Variants in ITPRID1 observed in about 807,000 individuals in gnomAD.
ITPRID1 encodes protein ITPRID1.
A neutral mutation model predicts 95.4 loss-of-function variants in ITPRID1; 96 were observed. The observed-to-expected ratio is 1.01, with a 90% CI of 0.85 to 1.19. The LOEUF (loss-of-function observed/expected upper bound fraction) is 1.19. ITPRID1 is among the 50% of genes most tolerant of loss of function. ITPRID1 has a pLI of 0.00. For missense variants in ITPRID1, 1,339 were observed against 1,252.9 expected (o/e 1.07, Z -1.04); for synonymous variants, 510 against 453.6 (o/e 1.12, Z -1.58).
chr7:31,575,264 A>G (rs1583518915), intron 8 of ITPRID1, among the ~76,000 whole-genome samples: 2 of 152,338 alleles, frequency 1.3e-5, no homozygotes, highest in East Asian at 3.9e-4. Context: ...GATTATCATG[A>G]ATCATTAGGT....
At position 31,577,987 on chromosome 7, in the gene ITPRID1, C is replaced by A; in HGVS notation, c.723C>A (p.Thr241=). The change falls in exon 9 of 15, where the codon ACC becomes ACA. Residue 241 remains threonine (T), a synonymous_variant. Coordinates refer to ENST00000615280, the MANE Select transcript of ITPRID1 (RefSeq NM_001257967.3). The stretch of plus-strand genomic sequence containing the variant: ...CTGGAGGAGAGAGTGTGCAAAGAAC[C>A]TCAGTGAGTGCCGCCAAAGAGCATC... ...EKAGGESVQR[T]SVSAAKEHRR... 1.2e-6 allele frequency: 2 copies of A among 1,613,758 alleles called. No homozygotes were observed. The highest frequency in any genetic ancestry group is 1.1e-5 in the South Asian group (1 of 91,060).
intron 10 of ITPRID1, among the ~76,000 whole-genome samples, chr7:31,614,734 G>A (rs1787044224): frequency 6.6e-6 from 1 of 152,060 alleles, no homozygotes; most frequent in African/African-American, 2.4e-5. Context: ...CATTATAGTG[G>A]GTGGCCAGGA....
At chr7:31,526,515 G>A (rs1025388600) in intron 1 of ITPRID1, among the ~76,000 whole-genome samples, 1 of 152,178 alleles carries the variant, frequency 6.6e-6, no homozygotes, top group Non-Finnish European at 1.5e-5. Context: ...AATTAAGTAA[G>A]AAAATGTTGT....
chr7:31,643,027 G>C lies in ITPRID1; in HGVS notation c.1657G>C (p.Val553Leu). The C allele has an allele frequency of 6.2e-7, 1 of 1,613,984 alleles. No individual in the cohort carries two copies. The highest frequency in any genetic ancestry group is 8.5e-7 in the Non-Finnish European group (1 of 1,179,876). ...LLPMPHAEYEVTRPTATSKYD... is the reference protein window; with the variant it reads ...LLPMPHAEYELTRPTATSKYD... ...GCCAATGCCCCATGCTGAGTATGAG[G>C]TCACCAGACCCACAGCCACTTCCAA... The change falls in exon 12 of 15, where the codon GTC (valine) becomes CTC (leucine). Residue 553 changes from valine (V) to leucine (L), a missense_variant. Physicochemically the swap from Val to Leu is conservative, Grantham distance 32. Coordinates refer to ENST00000615280, the MANE Select transcript of ITPRID1 (RefSeq NM_001257967.3).
chr7:31,514,140 G>A lies in ITPRID1; in HGVS notation c.-98+20G>A, dbSNP rs1782980012. On this transcript the variant is annotated intron_variant, in intron 1 of 14. Transcript: ENST00000615280. ...TGGCAGGTGGGTAGAGGCTGCTGGA[G>A]GGGGCTTTCATGATCATCTGCTTTG... is the stretch of plus-strand genomic sequence containing the variant. The A allele has an allele frequency of 3.3e-5, 5 of 152,242 alleles. No homozygotes were observed. Among genetic ancestry groups the A allele is most frequent in the Admixed American group, 3.3e-4 (5 of 15,286 alleles). The allele number at this position is 152,242 out of a possible 1,614,324, so 9.4% of individuals were successfully genotyped here.
At chr7:31,635,480 A>G (rs966863582) in intron 10 of ITPRID1, among the ~76,000 whole-genome samples, 1 of 152,178 alleles carries the variant, frequency 6.6e-6, no homozygotes, top group Non-Finnish European at 1.5e-5. Flanking sequence ...GAGGTTCCCA[A>G]TGTCTGATTT....
rs578243691 is a variant in ITPRID1 at position 31,639,597 on chromosome 7, C to T, written c.1229-2579C>T. 4.9e-5 allele frequency among the ~76,000 whole-genome samples: 7 copies of T among 144,238 alleles called. No individual in the cohort carries two copies. In the South Asian group the frequency reaches 1.1e-3, roughly 23 times the overall value. The allele number at this position is 144,238 out of a possible 152,430, so 94.6% of individuals were successfully genotyped here. A position where few individuals can be genotyped will look rare whatever the true frequency, so the allele number is the denominator to read the frequency against. On this transcript the variant is annotated intron_variant, in intron 10 of 14. Transcript: ENST00000615280. ...TGTCTCCCAGGCTGGAGTGCAGTGG[C>T]GCAATCTCAGCTCACTGAAAGCTCT...
chr7:31,519,614 C>CTATATA (rs1396946575), intron 1 of ITPRID1, among the ~76,000 whole-genome samples: 28 of 43,162 alleles, frequency 6.5e-4, no homozygotes, highest in African/African-American at 1.1e-3. Flanking sequence ...CTCTCTCTCT[C>CTATATA]TCTCTCTATA....
At chr7:31,582,381 C>T (rs1468872778) in intron 9 of ITPRID1, among the ~76,000 whole-genome samples, 1 of 152,076 alleles carries the variant, frequency 6.6e-6, no homozygotes, top group Non-Finnish European at 1.5e-5. Flanking sequence ...AAGAAATACT[C>T]CAAAATGTTT....
At chr7:31,531,985 C>T (rs570778633) in intron 1 of ITPRID1, among the ~76,000 whole-genome samples, 13 of 152,176 alleles carry the variant, frequency 8.5e-5, no homozygotes, top group African/African-American at 1.4e-4. Flanking sequence ...AAACAACTTA[C>T]GTCAGGCCTA....
downstream of ITPRID1, among the ~76,000 whole-genome samples, chr7:31,656,858 T>C (rs1324236385): frequency 2.0e-5 from 3 of 148,254 alleles, no homozygotes; most frequent in African/African-American, 5.0e-5. Flanking sequence ...AAAAAGAGCA[T>C]AGAAGGGAAA....
At chr7:31,633,257 G>A (rs1194227041) in intron 10 of ITPRID1, among the ~76,000 whole-genome samples, 1 of 152,142 alleles carries the variant, frequency 6.6e-6, no homozygotes, top group African/African-American at 2.4e-5. Flanking sequence ...AAAGGAGTTC[G>A]ACACATTCTG....
At chr7:31,562,728 T>A (rs1196648654) in intron 5 of ITPRID1, among the ~76,000 whole-genome samples, 1 of 152,186 alleles carries the variant, frequency 6.6e-6, no homozygotes, top group East Asian at 1.9e-4. Flanking sequence ...ACATCAACTT[T>A]TCTACAAGAC....
chr7:31,550,073 T>C (rs1489851323), intron 2 of ITPRID1, among the ~76,000 whole-genome samples: 2 of 152,152 alleles, frequency 1.3e-5, no homozygotes, highest in African/African-American at 4.8e-5. Flanking sequence ...TTTTTCTGAT[T>C]TTGATTATTT....
At chr7:31,620,102 G>T (rs4585646) in intron 10 of ITPRID1, among the ~76,000 whole-genome samples, 3 of 152,150 alleles carry the variant, frequency 2.0e-5, no homozygotes, top group Admixed American at 6.5e-5. Context: ...CAAAGCAGCC[G>T]GGAAGCTCCA....
In ITPRID1 at chr7:31,519,621, T is replaced by TCTCTCTCC. The variant is rs1554279823; in HGVS notation, c.-98+5501_-98+5502insCTCTCTCC. Reference sequence around the variant, plus strand: ...CTCTCTCTCTCTCTCTCTCTCTCTCTATATATATATATATATATATATATA... The same window carrying TCTCTCTCC: ...CTCTCTCTCTCTCTCTCTCTCTCTCTCTCTCTCCATATATATATATATATATATATATA... On this transcript the variant is annotated intron_variant, in intron 1 of 14. Coordinates refer to ENST00000615280, the MANE Select transcript of ITPRID1 (RefSeq NM_001257967.3). 1.0e-3 allele frequency among the ~76,000 whole-genome samples: 31 copies of TCTCTCTCC among 30,210 alleles called. 1 individual carries two copies. In the South Asian group the frequency reaches 0.02, roughly 19 times the overall value. 19.8% of individuals were successfully genotyped at this position (30,210 alleles called of 152,430 possible). A position where few individuals can be genotyped will look rare whatever the true frequency, so the allele number is the denominator to read the frequency against.
intron 1 of ITPRID1, among the ~76,000 whole-genome samples, chr7:31,545,948 CAAA>C (rs371071714): frequency 9.9e-5 from 15 of 152,162 alleles, no homozygotes; most frequent in African/African-American, 3.6e-4. Context: ...AGTGATCTTC[CAAA>C]CCTTTGAGTA....
At chr7:31,635,651 T>G (rs905652598) in intron 10 of ITPRID1, among the ~76,000 whole-genome samples, 1 of 152,182 alleles carries the variant, frequency 6.6e-6, no homozygotes, top group African/African-American at 2.4e-5. Flanking sequence ...TTTGGACCAG[T>G]GTATTAGGCC....
intron 10 of ITPRID1, among the ~76,000 whole-genome samples, chr7:31,585,728 A>G (rs1004470123): frequency 6.6e-6 from 1 of 152,202 alleles, no homozygotes; most frequent in African/African-American, 2.4e-5. Context: ...CACCTTATAA[A>G]ATCATCAAAC....
Sources: gnomAD v4.1 joint callset for allele counts (sites outside exome capture counted in the v4.1 genomes callset) on GRCh38, gnomAD v4.1.1 for gene constraint, MANE v1.5 for transcripts, NCBI Gene and HGNC (gene_info 2026-07-23, HGNC 2026-07-21) for gene names.